The following APBB1IP variants were observed in gnomAD, a reference collection of about 807,000 sequenced individuals.
The protein encoded by APBB1IP is amyloid beta A4 precursor protein-binding family B member 1-interacting protein.
In APBB1IP, 27 loss-of-function variants were observed where a neutral mutation model predicts 64.9. That is an observed-to-expected ratio of 0.42 (90% CI 0.31 to 0.57). The LOEUF (loss-of-function observed/expected upper bound fraction) is 0.57. APBB1IP is among the 20% of genes least tolerant of loss of function. APBB1IP has a pLI of 0.20. For missense variants in APBB1IP, 812 were observed against 845.5 expected (o/e 0.96, Z 0.49); for synonymous variants, 392 against 331.0 (o/e 1.18, Z -2.00).
chr10:26,477,940 G>C (rs1835793878), intron 2 of APBB1IP, among the ~76,000 whole-genome samples: 1 of 152,142 alleles, frequency 6.6e-6, no homozygotes, highest in African/African-American at 2.4e-5. Flanking sequence ...GCCCAGGCTG[G>C]TAGTTTTTTA....
chr10:26,495,543 A>AG (rs1381624816), intron 3 of APBB1IP, among the ~76,000 whole-genome samples: 7 of 151,470 alleles, frequency 4.6e-5, no homozygotes, highest in African/African-American at 1.7e-4. Context: ...CCAAGACAGG[A>AG]GGCTCACATG....
At chr10:26,494,003 A>T (rs1011912426) in intron 3 of APBB1IP, among the ~76,000 whole-genome samples, 1 of 148,804 alleles carries the variant, frequency 6.7e-6, no homozygotes, top group African/African-American at 2.5e-5. Flanking sequence ...CACCCAGCTA[A>T]TTTTTTTTTT....
chr10:26,489,782 T>TG (rs777206010), intron 2 of APBB1IP, among the ~76,000 whole-genome samples: 1 of 152,228 alleles, frequency 6.6e-6, no homozygotes, highest in Admixed American at 6.5e-5. Flanking sequence ...CCCAACACTT[T>TG]GGGAGGCCCA....
chr10:26,557,256 G>T (rs1308333449), intron 11 of APBB1IP, among the ~76,000 whole-genome samples: 1 of 152,192 alleles, frequency 6.6e-6, no homozygotes, highest in Non-Finnish European at 1.5e-5. Context: ...AAAAGTGTTT[G>T]CTGTCATCTG....
At chr10:26,518,499 C>A (rs542404512) in intron 8 of APBB1IP, among the ~76,000 whole-genome samples, 1 of 152,192 alleles carries the variant, frequency 6.6e-6, no homozygotes, top group African/African-American at 2.4e-5. Context: ...TGCCAAGCAG[C>A]TTTCACACAG....
chr10:26,510,414 T>C (rs947043835), intron 6 of APBB1IP, among the ~76,000 whole-genome samples: 4 of 152,180 alleles, frequency 2.6e-5, no homozygotes, highest in African/African-American at 4.8e-5. Context: ...TTTAATTCAA[T>C]AGAATATTTT....
At chr10:26,528,393 CT>C (rs908342182) in intron 8 of APBB1IP, among the ~76,000 whole-genome samples, 3 of 152,156 alleles carry the variant, frequency 2.0e-5, no homozygotes, top group African/African-American at 4.8e-5. Context: ...TATTCTTATT[CT>C]TTTTTTCCCT....
At chr10:26,541,747 T>C in intron 11 of APBB1IP, 55 bp downstream of exon 11, 2 of 1,341,336 alleles carry the variant, frequency 1.5e-6, no homozygotes, top group Non-Finnish European at 2.1e-6. Flanking sequence ...GTTAATTTTT[T>C]TTCAAGGAAG....
intron 8 of APBB1IP, among the ~76,000 whole-genome samples, chr10:26,517,225 TATC>T (rs1836342956): frequency 6.6e-6 from 1 of 152,174 alleles, no homozygotes; most frequent in African/African-American, 2.4e-5. Flanking sequence ...CTAGTGCACA[TATC>T]ATAATGGTAC....
intron 8 of APBB1IP, among the ~76,000 whole-genome samples, chr10:26,530,703 T>C (rs1004130438): frequency 1.3e-5 from 2 of 151,084 alleles, no homozygotes; most frequent in Non-Finnish European, 3.0e-5. Context: ...AAAAAAAAAA[T>C]TATTTAATAA....
chr10:26,474,784 A>G (rs1000086718), intron 2 of APBB1IP, among the ~76,000 whole-genome samples: 8 of 152,192 alleles, frequency 5.3e-5, no homozygotes, highest in Admixed American at 1.3e-4. Context: ...TTTCTACATC[A>G]TTGCTCAAAA....
At chr10:26,507,041 G>A (rs80036521) in intron 6 of APBB1IP, among the ~76,000 whole-genome samples, 1 of 152,100 alleles carries the variant, frequency 6.6e-6, no homozygotes. Flanking sequence ...ATCAGCTCGG[G>A]GAGGTGGGGA....
intron 2 of APBB1IP, among the ~76,000 whole-genome samples, chr10:26,452,712 A>G (rs1835478419): frequency 6.6e-6 from 1 of 152,094 alleles, no homozygotes; most frequent in South Asian, 2.1e-4. Context: ...ACAAGTGTAG[A>G]TTTCTTACAT....
At chr10:26,489,923 G>A (rs886436993) in intron 2 of APBB1IP, among the ~76,000 whole-genome samples, 2 of 152,180 alleles carry the variant, frequency 1.3e-5, no homozygotes, top group African/African-American at 4.8e-5. Context: ...TACTCAGGAA[G>A]CTGAGGCAGG....
intron 11 of APBB1IP, among the ~76,000 whole-genome samples, chr10:26,553,801 G>A (rs1206739793): frequency 1.3e-5 from 2 of 152,192 alleles, no homozygotes; most frequent in Non-Finnish European, 2.9e-5. Context: ...CTATTATTAA[G>A]ATTTCCAAAG....
intron 8 of APBB1IP, among the ~76,000 whole-genome samples, chr10:26,523,656 G>A (rs1462671390): frequency 6.6e-6 from 1 of 152,010 alleles, no homozygotes; most frequent in African/African-American, 2.4e-5. Context: ...ATGGAGGGGC[G>A]GGGGGACACA....
At chr10:26,534,967 G>T (rs773751813) in intron 9 of APBB1IP, among the ~76,000 whole-genome samples, 13 of 152,098 alleles carry the variant, frequency 8.5e-5, no homozygotes, top group Non-Finnish European at 1.6e-4. Context: ...ATATTTTCCA[G>T]CTCTACTACA....
intron 8 of APBB1IP, among the ~76,000 whole-genome samples, chr10:26,528,218 G>A (rs888374459): frequency 6.6e-6 from 1 of 152,178 alleles, no homozygotes; most frequent in South Asian, 2.1e-4. Flanking sequence ...TCTGGGGGAA[G>A]TTACTGCCCA....
rs538211801 is a variant in APBB1IP, at chr10:26,454,892, C to G, written c.-1+16039C>G. Reference sequence around the variant, plus strand: ...TACCACCTCACATCCATTAGCATGGCTATAATCCAAAAGAGAGACAATAAC... The same window carrying G: ...TACCACCTCACATCCATTAGCATGGGTATAATCCAAAAGAGAGACAATAAC... On this transcript the variant is annotated intron_variant, in intron 2 of 14. Transcript: ENST00000376236. Among the ~76,000 whole-genome samples, 49 of 152,252 alleles carry G rather than the reference C, an allele frequency of 3.2e-4. No homozygotes were observed. In the South Asian group the frequency reaches 5.8e-3, roughly 18 times the overall value.
Sources: allele counts gnomAD v4.1 joint callset (sites outside exome capture counted in the v4.1 genomes callset), GRCh38; gene constraint gnomAD v4.1.1; transcripts MANE v1.5; gene names NCBI Gene and HGNC (gene_info 2026-07-23, HGNC 2026-07-21).